Variants in WDR49 observed in about 807,000 individuals in gnomAD.
The protein encoded by WDR49 is WD repeat domain 49.
Under a neutral mutation model 119.5 loss-of-function variants are expected in WDR49, and 107 were observed. The observed-to-expected ratio is 0.90, with a 90% CI of 0.77 to 1.05. WDR49 has a LOEUF of 1.05. Among genes scored for constraint, WDR49 ranks in the 50% least tolerant of loss-of-function variants. WDR49 has a pLI of 0.00. For missense variants in WDR49, 1,240 were observed against 1,220.5 expected (o/e 1.02, Z -0.24); for synonymous variants, 425 against 418.8 (o/e 1.01, Z -0.18).
intron 2 of WDR49, among the ~76,000 whole-genome samples, chr3:167,643,358 A>G (rs1717969561): frequency 6.6e-6 from 1 of 152,142 alleles, no homozygotes; most frequent in Non-Finnish European, 1.5e-5. Context: ...TAAAGAATCA[A>G]TCAGAAAATC....
chr3:167,528,099 G>A (rs1293417029), intron 14 of WDR49, 82 bp from the exon 15 acceptor site: 5 of 1,218,416 alleles, frequency 4.1e-6, no homozygotes, highest in African/African-American at 1.5e-5. Flanking sequence ...AAAAAAGGCC[G>A]ATTTTCAAAC....
At chr3:167,503,150 T>TAA (rs1411430888) in intron 17 of WDR49, among the ~76,000 whole-genome samples, 1 of 152,224 alleles carries the variant, frequency 6.6e-6, no homozygotes, top group Non-Finnish European at 1.5e-5. Context: ...CCAGAGTGTG[T>TAA]AAGCCATAGC....
intron 11 of WDR49, among the ~76,000 whole-genome samples, chr3:167,533,807 A>T (rs1045974818): frequency 6.6e-6 from 1 of 152,042 alleles, no homozygotes; most frequent in African/African-American, 2.4e-5. Context: ...GAGGACAGCT[A>T]CCCACTGAGC....
intron 9 of WDR49, among the ~76,000 whole-genome samples, chr3:167,559,572 C>A (rs1030382675): frequency 2.6e-5 from 4 of 152,122 alleles, no homozygotes; most frequent in African/African-American, 9.7e-5. Context: ...ATTATTCTTT[C>A]TACTGTCTGA....
chr3:167,551,521 T>C (rs557237728), intron 10 of WDR49, among the ~76,000 whole-genome samples: 1 of 152,132 alleles, frequency 6.6e-6, no homozygotes, highest in East Asian at 1.9e-4. Flanking sequence ...CCATTTGCAA[T>C]TAGTCCTACC....
At chr3:167,611,546 A>C (rs1163049644) in intron 5 of WDR49, among the ~76,000 whole-genome samples, 1 of 152,106 alleles carries the variant, frequency 6.6e-6, no homozygotes, top group Non-Finnish European at 1.5e-5. Context: ...TGAATGGGCA[A>C]AAAAACAAGA....
chr3:167,529,214 T>C lies in WDR49; in HGVS notation c.2244A>G (p.Gly748=). The C allele has an allele frequency of 6.2e-7, 1 of 1,602,766 alleles. No individual in the cohort carries two copies. Among genetic ancestry groups the C allele is most frequent in the Non-Finnish European group, 8.5e-7 (1 of 1,176,526 alleles). ...CCCAAAATCTGACATAACCAGATCC[T>C]CCACATGATACCAGGTTAGCTCCTC... ...VTGGANLVSC[G]GSGYVRFWDI... Residue 748 remains glycine (G), a synonymous_variant, in exon 14 of 19, where the codon GGA becomes GGG. Coordinates refer to ENST00000682715, the MANE Select transcript of WDR49 (RefSeq NM_001366157.1).
chr3:167,514,392 G>A (rs961549462), intron 16 of WDR49, among the ~76,000 whole-genome samples: 4 of 152,092 alleles, frequency 2.6e-5, no homozygotes, highest in African/African-American at 7.2e-5. Context: ...AAATTAAGAA[G>A]TTCCTTGAAA....
chr3:167,621,414 TAC>T (rs1258314428), intron 4 of WDR49, 51 bp downstream of exon 4: 14 of 1,411,144 alleles, frequency 9.9e-6, no homozygotes, highest in Admixed American at 2.8e-5. Flanking sequence ...TACTTTAAAC[TAC>T]AGTTTGATGA....
intron 8 of WDR49, among the ~76,000 whole-genome samples, chr3:167,569,436 T>C (rs754864562): frequency 2.6e-5 from 4 of 152,234 alleles, no homozygotes; most frequent in Admixed American, 6.5e-5. Context: ...ATTCATTCTA[T>C]GTATAATATT....
chr3:167,633,499 C>T (rs1472490283), intron 2 of WDR49: 2 of 456,030 alleles, frequency 4.4e-6, no homozygotes, highest in Non-Finnish European at 4.4e-6. Flanking sequence ...TTTAGCCACT[C>T]GTAGTGCTGC....
At chr3:167,556,435 C>T (rs569493038) in intron 9 of WDR49, among the ~76,000 whole-genome samples, 163 of 152,300 alleles carry the variant, frequency 1.1e-3, no homozygotes, top group African/African-American at 3.8e-3. Flanking sequence ...AGGGCACAAG[C>T]AGTTCTGGTT....
At chr3:167,482,305 A>C (rs1750744929) in intron 18 of WDR49, among the ~76,000 whole-genome samples, 1 of 152,182 alleles carries the variant, frequency 6.6e-6, no homozygotes. Flanking sequence ...TCCAAAAACT[A>C]TAAATGGTGT....
rs576063282 is a variant in WDR49 at position 167,561,270 on chromosome 3, C to T, written c.1510-1042G>A. On this transcript the variant is annotated intron_variant, in intron 8 of 18. Transcript: ENST00000682715. Reference sequence around the variant, plus strand: ...CTTGCATAACATCCAGGCTCCATAACGGCAATGGAACTTCACTGGCAAAAT... The same window carrying T: ...CTTGCATAACATCCAGGCTCCATAATGGCAATGGAACTTCACTGGCAAAAT... Among the ~76,000 whole-genome samples, 6 of 152,212 alleles carry T rather than the reference C, an allele frequency of 3.9e-5. No individual in the cohort carries two copies. The East Asian group carries it at 7.7e-4, about 20-fold the overall frequency.
intron 16 of WDR49, among the ~76,000 whole-genome samples, chr3:167,518,739 T>C (rs1158206943): frequency 1.3e-5 from 2 of 151,320 alleles, no homozygotes; most frequent in African/African-American, 2.4e-5. Context: ...TTTAGTTTAA[T>C]TAGATCCCAT....
intron 7 of WDR49, among the ~76,000 whole-genome samples, chr3:167,580,862 A>G (rs999965955): frequency 7.9e-5 from 12 of 152,196 alleles, no homozygotes; most frequent in Admixed American, 6.5e-4. Context: ...CATTTCAGAT[A>G]TCCTAGAAGG....
At chr3:167,629,589 A>G (rs1221376152) in intron 2 of WDR49, among the ~76,000 whole-genome samples, 1 of 152,134 alleles carries the variant, frequency 6.6e-6, no homozygotes, top group Non-Finnish European at 1.5e-5. Flanking sequence ...TGCCATAGAC[A>G]ATGATTCCTC....
intron 18 of WDR49, among the ~76,000 whole-genome samples, chr3:167,498,902 G>C (rs942907924): frequency 2.6e-5 from 4 of 152,122 alleles, no homozygotes; most frequent in African/African-American, 7.2e-5. Flanking sequence ...AGGTAAGAGA[G>C]AGACTGGTTC....
chr3:167,608,307 A>G (rs1041646556), intron 5 of WDR49, among the ~76,000 whole-genome samples: 1 of 152,246 alleles, frequency 6.6e-6, no homozygotes. Context: ...TAATATAATT[A>G]CAATACAATC....
Sources: gnomAD v4.1 joint callset for allele counts (sites outside exome capture counted in the v4.1 genomes callset) on GRCh38, gnomAD v4.1.1 for gene constraint, MANE v1.5 for transcripts, NCBI Gene and HGNC (gene_info 2026-07-23, HGNC 2026-07-21) for gene names.